CREM: variants seen among roughly 807,000 people sequenced by gnomAD.
CREM encodes cAMP-responsive element modulator.
Under a neutral mutation model 37.3 loss-of-function variants are expected in CREM, and 13 were observed. The observed-to-expected ratio is 0.35, with a 90% CI of 0.23 to 0.55. The LOEUF (loss-of-function observed/expected upper bound fraction) is 0.55. Ranked by LOEUF, CREM falls within the 20% of genes least tolerant of loss-of-function variation. The pLI is 0.88. For synonymous variants in CREM, 124 were observed against 120.2 expected (o/e 1.03, Z -0.21); for missense variants, 296 against 362.3 (o/e 0.82, Z 1.49).
chr10:35,164,644 T>C (rs2136526575), intron 3 of CREM, among the ~76,000 whole-genome samples: 2 of 152,398 alleles, frequency 1.3e-5, no homozygotes, highest in African/African-American at 4.8e-5. Context: ...TGTAAGGAGC[T>C]AAACTCTTAG....
At chr10:35,188,068 C>A in intron 5 of CREM, 132 bp from the exon 6 acceptor site, 1 of 849,546 alleles carries the variant, frequency 1.2e-6, no homozygotes, top group Non-Finnish European at 1.8e-6. Context: ...CTTCTCAATT[C>A]AGCATAGAAA....
chr10:35,204,018 T>G (rs1255753965), intron 6 of CREM, among the ~76,000 whole-genome samples: 1 of 152,232 alleles, frequency 6.6e-6, no homozygotes, highest in Non-Finnish European at 1.5e-5. Flanking sequence ...GCTGTTCTAT[T>G]GTTTCAGCCT....
intron 5 of CREM, among the ~76,000 whole-genome samples, chr10:35,180,412 T>C (rs182404023): frequency 4.3e-4 from 65 of 152,340 alleles, no homozygotes; most frequent in African/African-American, 1.5e-3. Context: ...GAGAAGACTT[T>C]ATATAGTCAT....
At chr10:35,174,046 A>T (rs958335569) in intron 3 of CREM, among the ~76,000 whole-genome samples, 3 of 152,218 alleles carry the variant, frequency 2.0e-5, no homozygotes, top group South Asian at 2.1e-4. Flanking sequence ...TACTGGTTCC[A>T]TAATGGGAGG....
intron 3 of CREM, among the ~76,000 whole-genome samples, chr10:35,177,540 C>T (rs1031755447): frequency 6.6e-6 from 1 of 152,158 alleles, no homozygotes. Flanking sequence ...CTCAAGTGAT[C>T]CTCTTGCCTC....
chr10:35,145,651 C>G (rs1018496040), intron 2 of CREM, among the ~76,000 whole-genome samples: 1 of 151,818 alleles, frequency 6.6e-6, no homozygotes, highest in Non-Finnish European at 1.5e-5. Flanking sequence ...TGGGGGCATG[C>G]GTCAGTAATC....
chr10:35,152,388 G>A (rs1218050102), intron 3 of CREM: 1 of 152,218 alleles, frequency 6.6e-6, no homozygotes, highest in African/African-American at 2.4e-5. Flanking sequence ...GAGGTGAGGT[G>A]CAGGTACACC....
chr10:35,196,710 C>T lies in CREM; in HGVS notation c.598+8322C>T, dbSNP rs570165580. Reference sequence around the variant, plus strand: ...CTCAAACACTGCATGTCATATGATTCTTAGAACCAGAAGGCACTTTTGTAC... The same window carrying T: ...CTCAAACACTGCATGTCATATGATTTTTAGAACCAGAAGGCACTTTTGTAC... On this transcript the variant is annotated intron_variant, in intron 6 of 7. Transcript: ENST00000685392. Among the ~76,000 whole-genome samples the T allele has an allele frequency of 3.9e-5, 6 of 152,178 alleles. No homozygotes were observed. In the East Asian group the frequency reaches 1.2e-3, roughly 29 times the overall value.
intron 1 of CREM, chr10:35,135,640 A>C (rs987936756): frequency 1.3e-5 from 2 of 150,566 alleles, no homozygotes; most frequent in African/African-American, 4.9e-5. Context: ...CTGTAATCCC[A>C]ACACTTTGGG....
chr10:35,178,833 A>G, intron 3 of CREM, 56 bp from the exon 4 acceptor site: 1 of 1,429,590 alleles, frequency 7.0e-7, no homozygotes, highest in African/African-American at 1.4e-5. Flanking sequence ...CAATTTTTTG[A>G]ATGAGGGAAA....
intron 7 of CREM, chr10:35,209,347 C>G (rs2095613046): frequency 2.0e-6 from 2 of 985,292 alleles, no homozygotes; most frequent in Admixed American, 6.1e-5. Context: ...TGCACTTCCT[C>G]TCCGTGCTGA....
chr10:35,177,510 G>C (rs191486858), intron 3 of CREM, among the ~76,000 whole-genome samples: 3 of 152,234 alleles, frequency 2.0e-5, no homozygotes, highest in Admixed American at 6.5e-5. Flanking sequence ...TGTTACCCAG[G>C]TTTGTGTTGA....
chr10:35,185,202 A>C (rs1036902820), intron 5 of CREM, among the ~76,000 whole-genome samples: 1 of 150,604 alleles, frequency 6.6e-6, no homozygotes, highest in African/African-American at 2.4e-5. Context: ...TCCCAGATTC[A>C]AGCGATTCTC....
intron 6 of CREM, 135 bp downstream of exon 6, chr10:35,188,523 CAGA>C (rs1239066840): frequency 3.0e-6 from 2 of 662,238 alleles, no homozygotes; most frequent in Non-Finnish European, 4.6e-6. Context: ...AAAAGGCTTA[CAGA>C]AGAAATATTT....
chr10:35,130,282 G>A (rs1296099130), intron 1 of CREM, among the ~76,000 whole-genome samples: 1 of 150,578 alleles, frequency 6.6e-6, no homozygotes, highest in African/African-American at 2.4e-5. Flanking sequence ...AAATAATTAT[G>A]TTAATAATCT....
At chr10:35,168,564 T>C (rs2093660268) in intron 3 of CREM, among the ~76,000 whole-genome samples, 1 of 152,242 alleles carries the variant, frequency 6.6e-6, no homozygotes, top group Non-Finnish European at 1.5e-5. Context: ...TTCACTTTGA[T>C]CGTAGTTTCT....
chr10:35,142,018 G>C (rs528308927), intron 2 of CREM, among the ~76,000 whole-genome samples: 1 of 152,314 alleles, frequency 6.6e-6, no homozygotes, highest in South Asian at 2.1e-4. Context: ...ACAGAGATTA[G>C]TTACCATTTC....
rs566840301 is a variant in CREM, at chr10:35,182,355, A to G, written c.409+3079A>G. ...TATTAGAATTTCTGGAGATTTTCCT[A>G]TTTTTTTCCTTCCCTTTGAGCTGTA... is the stretch of plus-strand genomic sequence containing the variant. On this transcript the variant is annotated intron_variant, in intron 5 of 7. Coordinates refer to ENST00000685392, the MANE Select transcript of CREM (RefSeq NM_183011.2). 1.0e-3 allele frequency among the ~76,000 whole-genome samples: 150 copies of G among 150,568 alleles called. 1 individual carries two copies. The highest frequency in any genetic ancestry group is 2.7e-3 in the Admixed American group (41 of 15,026).
intron 7 of CREM, chr10:35,209,249 AT>A: frequency 1.1e-6 from 1 of 909,096 alleles, no homozygotes; most frequent in Non-Finnish European, 1.3e-6. Flanking sequence ...ATTGGCATCT[AT>A]AATCGATATC....
Sources: gnomAD v4.1 joint callset for allele counts (sites outside exome capture counted in the v4.1 genomes callset) on GRCh38, gnomAD v4.1.1 for gene constraint, MANE v1.5 for transcripts, NCBI Gene and HGNC (gene_info 2026-07-23, HGNC 2026-07-21) for gene names.